The following RASGRF1 variants were observed in gnomAD, a reference collection of about 807,000 sequenced individuals.
RASGRF1 encodes the protein Ras protein specific guanine nucleotide releasing factor 1.
In RASGRF1, 40 loss-of-function variants were observed where a neutral mutation model predicts 138.7. The ratio of observed to expected loss-of-function variants is 0.29; its 90% CI spans 0.22 to 0.38. The LOEUF (loss-of-function observed/expected upper bound fraction) is 0.38. RASGRF1 is among the 10% of genes least tolerant of loss of function. RASGRF1 has a pLI of 1.00. For missense variants in RASGRF1, 1,108 were observed against 1,650.4 expected (o/e 0.67, Z 5.69); for synonymous variants, 614 against 663.2 (o/e 0.93, Z 1.14).
intron 22 of RASGRF1, 83 bp downstream of exon 22, chr15:78,990,106 G>A (rs1206534069): frequency 8.7e-7 from 1 of 1,146,618 alleles, no homozygotes; most frequent in African/African-American, 1.5e-5. Flanking sequence ...CCAGCCAGGT[G>A]TATAGCCCGT....
At position 79,027,936 on chromosome 15, in the gene RASGRF1, G is replaced by A; in HGVS notation, c.1263-77C>T. ...GGGAGGCGAGAATGCCAGGCTTCTG[G>A]CCAGACCTAGGAAGAAAGCCTGGCA... On this transcript the variant is annotated intron_variant, in intron 8 of 26. Transcript: ENST00000558480. The surrounding 1 kb of genome is among the most constrained non-coding windows in gnomAD (Gnocchi z 4.8). 7.0e-7 allele frequency: 1 copy of A among 1,425,012 alleles called. No individual in the cohort carries two copies. The highest frequency in any genetic ancestry group is 9.9e-7 in the Non-Finnish European group (1 of 1,014,652). 88.3% of individuals were successfully genotyped at this position (1,425,012 alleles called of 1,614,324 possible).
At chr15:78,978,244 T>TTTTTTTTTTTA (rs2055923339) in intron 24 of RASGRF1, 1 of 128,644 alleles carries the variant, frequency 7.8e-6, no homozygotes, top group African/African-American at 2.7e-5. Flanking sequence ...TTTTTTTTTT[T>TTTTTTTTTTTA]GAGACAGTCT....
At chr15:79,042,719 C>G (rs1595932063) in intron 5 of RASGRF1, among the ~76,000 whole-genome samples, 1 of 152,214 alleles carries the variant, frequency 6.6e-6, no homozygotes, top group Non-Finnish European at 1.5e-5. Context: ...GATCCTGGCT[C>G]CAGCCTCATG....
intron 1 of RASGRF1, among the ~76,000 whole-genome samples, chr15:79,069,138 A>C (rs1035139159): frequency 7.9e-5 from 12 of 152,074 alleles, no homozygotes; most frequent in African/African-American, 2.9e-4. Flanking sequence ...GTACCTGCTT[A>C]ATTTGGAAAC....
intron 5 of RASGRF1, among the ~76,000 whole-genome samples, chr15:79,044,341 C>G (rs2141021028): frequency 6.6e-6 from 1 of 152,342 alleles, no homozygotes; most frequent in Non-Finnish European, 1.5e-5. Context: ...TCCTTAAAGA[C>G]TAAGCTCAGA....
chr15:79,014,978 A>C (rs1334360440), intron 13 of RASGRF1, among the ~76,000 whole-genome samples: 1 of 152,036 alleles, frequency 6.6e-6, no homozygotes, highest in African/African-American at 2.4e-5. Flanking sequence ...AAACAAAAAA[A>C]GGCTACAAAT....
intron 2 of RASGRF1, among the ~76,000 whole-genome samples, chr15:79,058,761 CAG>C (rs1209902957): frequency 2.6e-5 from 4 of 152,200 alleles, no homozygotes; most frequent in Non-Finnish European, 2.9e-5. Flanking sequence ...AGATAAATAA[CAG>C]GGCTAGAAGA....
intron 13 of RASGRF1, among the ~76,000 whole-genome samples, chr15:79,010,107 C>A (rs113028897): frequency 6.7e-6 from 1 of 149,558 alleles, no homozygotes; most frequent in Non-Finnish European, 1.5e-5. Flanking sequence ...GGCGCAATGT[C>A]GGCTCATGGC....
At chr15:78,997,925 C>A (rs2056430721) in intron 19 of RASGRF1, 171 bp downstream of exon 19, 1 of 611,662 alleles carries the variant, frequency 1.6e-6, no homozygotes, top group Non-Finnish European at 2.9e-6. Context: ...GACTACCCAG[C>A]CCTGAGCCTG....
chr15:79,017,864 A>G lies in RASGRF1; in HGVS notation c.1649T>C (p.Ile550Thr). 6.2e-7 allele frequency: 1 copy of G among 1,613,716 alleles called. No individual in the cohort carries two copies. Residue 550 changes from isoleucine to threonine, a missense_variant, in exon 12 of 27, where the codon ATC (isoleucine) becomes ACC (threonine). This residue lies in a region of RASGRF1 where 686 missense variants were observed against 976.7 expected (regional missense o/e 0.70). Transcript: ENST00000558480. ...GQDIDHLDFK[I>T]GVEPKDSPPF... ...CGGGGAATCCTTTGGCTCCACCCCG[A>G]TTTTAAAATCCAAGTGATCTATGTC...
chr15:78,978,224 T>TC (rs61477683), intron 24 of RASGRF1, among the ~76,000 whole-genome samples: 4,274 of 28,852 alleles, frequency 0.15, 222 homozygotes, highest in East Asian at 0.35. Context: ...TCTTTTGTTT[T>TC]TTTTTTTTTT....
In RASGRF1 at chr15:79,032,363, G is replaced by T. The variant is rs1257329054; in HGVS notation, c.959-47C>A. 1.9e-6 allele frequency: 3 copies of T among 1,580,864 alleles called. No homozygotes were observed. The highest frequency in any genetic ancestry group is 8.7e-7 in the Non-Finnish European group (1 of 1,154,304). On this transcript the variant is annotated intron_variant, in intron 6 of 26. Transcript: ENST00000558480. This position sits in a 1 kb window ranked among gnomAD's most constrained non-coding sequence, Gnocchi z 4.5. The stretch of plus-strand genomic sequence containing the variant: ...CGGGTGGCTAGGGCAGCTTGGTGGG[G>T]ACAGAATCCCCTAGGCCCTTGGCTC...
chr15:79,036,446 T>C (rs1420607050), intron 5 of RASGRF1, among the ~76,000 whole-genome samples: 1 of 152,198 alleles, frequency 6.6e-6, no homozygotes, highest in African/African-American at 2.4e-5. Context: ...TCTCCACTGC[T>C]TTGTTTGGCT....
chr15:79,087,693 T>C (rs2057999658), intron 1 of RASGRF1, among the ~76,000 whole-genome samples: 1 of 152,170 alleles, frequency 6.6e-6, no homozygotes, highest in South Asian at 2.1e-4. Context: ...AAGAGAAACA[T>C]GGAGCAGCTG....
At position 78,979,062 on chromosome 15, in the gene RASGRF1, T is replaced by A; in HGVS notation, c.3494+1558A>T. 3 of 1,290,872 alleles carry A rather than the reference T, an allele frequency of 2.3e-6. No homozygotes were observed. In the South Asian group the frequency reaches 3.7e-5, roughly 16 times the overall value. The allele number at this position is 1,290,872 out of a possible 1,614,324, so 80.0% of individuals were successfully genotyped here. A position where few individuals can be genotyped will look rare whatever the true frequency, so the allele number is the denominator to read the frequency against. ...GAAGCCAGCCATGTGAGGAGGTGGA[T>A]GGAGTGGTGCCCCGGGGGCGGACGG... On this transcript the variant is annotated intron_variant, in intron 24 of 26. Transcript: ENST00000558480.
At chr15:79,005,806 C>A in intron 14 of RASGRF1, 1 of 265,080 alleles carries the variant, frequency 3.8e-6, no homozygotes, top group Non-Finnish European at 5.8e-6. Context: ...TCCTTCTGTC[C>A]TCCTTCCCCT....
chr15:79,000,427 T>A (rs2056497248), intron 16 of RASGRF1, among the ~76,000 whole-genome samples: 1 of 152,220 alleles, frequency 6.6e-6, no homozygotes, highest in South Asian at 2.1e-4. Flanking sequence ...ACTAGCTGTG[T>A]GACCTTGGGT....
chr15:79,014,381 T>C (rs2056845652), intron 13 of RASGRF1, among the ~76,000 whole-genome samples: 1 of 152,248 alleles, frequency 6.6e-6, no homozygotes, highest in African/African-American at 2.4e-5. Flanking sequence ...AATTGTGTTA[T>C]ATTTATATGA....
At chr15:79,060,021 C>T (rs2057581744) in intron 2 of RASGRF1, among the ~76,000 whole-genome samples, 1 of 144,188 alleles carries the variant, frequency 6.9e-6, no homozygotes, top group South Asian at 2.3e-4. Context: ...CACACACACA[C>T]ACACACACAC....
Sources: gnomAD v4.1 joint callset for allele counts (sites outside exome capture counted in the v4.1 genomes callset) on GRCh38, gnomAD v4.1.1 for gene constraint, gnomAD v4.1.1 regional missense constraint, Gnocchi (gnomAD v3.1) non-coding constraint, MANE v1.5 for transcripts, NCBI Gene and HGNC (gene_info 2026-07-23, HGNC 2026-07-21) for gene names.